The following KCNJ12 variants were observed in gnomAD, a reference collection of about 807,000 sequenced individuals.
KCNJ12 encodes ATP-sensitive inward rectifier potassium channel 12.
A neutral mutation model predicts 22.3 loss-of-function variants in KCNJ12; 2 were observed. That is an observed-to-expected ratio of 0.09 (90% CI 0.04 to 0.28). The LOEUF (loss-of-function observed/expected upper bound fraction) is 0.28. Among genes scored for constraint, KCNJ12 ranks in the 10% least tolerant of loss-of-function variants. The pLI, the probability that KCNJ12 is intolerant of heterozygous loss-of-function variation, is 1.00. For missense variants in KCNJ12, 155 were observed against 633.3 expected, an observed-to-expected ratio of 0.24 and a Z score of 8.11; for synonymous variants, 117 against 261.4, an observed-to-expected ratio of 0.45 and a Z score of 5.33.
intron 1 of KCNJ12, among the ~76,000 whole-genome samples, chr17:21,398,675 C>CCCTA (rs1444901488): frequency 6.6e-6 from 1 of 152,232 alleles, no homozygotes; most frequent in East Asian, 1.9e-4. Context: ...AAAGTAAACT[C>CCCTA]CCTACTCCCA....
intron 1 of KCNJ12, among the ~76,000 whole-genome samples, chr17:21,396,944 G>C (rs1478125473): frequency 6.6e-6 from 1 of 152,194 alleles, no homozygotes; most frequent in Non-Finnish European, 1.5e-5. Flanking sequence ...CCAGGGCACA[G>C]ATTGGAGCAC....
chr17:21,392,298 G>A (rs146873828), intron 1 of KCNJ12, among the ~76,000 whole-genome samples: 7 of 152,360 alleles, frequency 4.6e-5, no homozygotes, highest in African/African-American at 1.7e-4. Flanking sequence ...GGCGCTCAGT[G>A]TGTGCTCACT....
intron 1 of KCNJ12, among the ~76,000 whole-genome samples, chr17:21,400,336 C>G (rs1905532110): frequency 6.6e-6 from 1 of 152,310 alleles, no homozygotes; most frequent in African/African-American, 2.4e-5. Context: ...GGGCTGGGGA[C>G]TCTGCTCTTG....
At chr17:21,415,003 T>C (rs1906613487) in intron 2 of KCNJ12, among the ~76,000 whole-genome samples, 1 of 152,304 alleles carries the variant, frequency 6.6e-6, no homozygotes, top group Non-Finnish European at 1.5e-5. Flanking sequence ...ATTCAGGCCT[T>C]GAGGGTGGGA....
In KCNJ12 at chr17:21,384,999, T is replaced by A. The variant is rs553410561; in HGVS notation, c.-179+8086T>A. Among the ~76,000 whole-genome samples, 30 of 152,142 alleles carry A rather than the reference T, an allele frequency of 2.0e-4. No individual in the cohort carries two copies. In the East Asian group the frequency reaches 4.8e-3, roughly 25 times the overall value. ...ACCGTGTTAGCCAGGATGGTCTCGA[T>A]CTCCTGACCTCGTGATCCGCCCGCC... On this transcript the variant is annotated intron_variant, in intron 1 of 2. Coordinates refer to ENST00000583088, the MANE Select transcript of KCNJ12 (RefSeq NM_021012.5).
At chr17:21,383,541 T>C (rs1300398281) in intron 1 of KCNJ12, among the ~76,000 whole-genome samples, 1 of 152,006 alleles carries the variant, frequency 6.6e-6, no homozygotes, top group East Asian at 1.9e-4. Flanking sequence ...TGCTCAAAAG[T>C]GGGGCTTCTG....
chr17:21,393,062 G>A (rs781943341), intron 1 of KCNJ12, among the ~76,000 whole-genome samples: 9 of 152,160 alleles, frequency 5.9e-5, no homozygotes, highest in African/African-American at 1.4e-4. Context: ...CCAGGCCAGC[G>A]CTGGAATTTT....
chr17:21,394,819 C>T (rs7220745), intron 1 of KCNJ12, among the ~76,000 whole-genome samples: 18,148 of 152,162 alleles, frequency 0.12, 2,882 homozygotes, highest in African/African-American at 0.37. Flanking sequence ...TCAGTGTTGC[C>T]AGGGGTAAAC....
At chr17:21,413,997 C>T (rs529314864) in intron 2 of KCNJ12, among the ~76,000 whole-genome samples, 6 of 152,416 alleles carry the variant, frequency 3.9e-5, no homozygotes, top group African/African-American at 1.2e-4. Context: ...GGGAGCAGCC[C>T]ATGTCTGGGT....
chr17:21,408,077 T>C (rs1383582089), intron 1 of KCNJ12, among the ~76,000 whole-genome samples: 3 of 152,254 alleles, frequency 2.0e-5, no homozygotes, highest in East Asian at 3.8e-4. Context: ...AAGGTTGGCG[T>C]TGGGAAGGCT....
chr17:21,397,560 T>C lies in KCNJ12; in HGVS notation c.-178-10959T>C, dbSNP rs536702645. On this transcript the variant is annotated intron_variant, in intron 1 of 2. Coordinates refer to ENST00000583088, the MANE Select transcript of KCNJ12 (RefSeq NM_021012.5). The stretch of plus-strand genomic sequence containing the variant: ...AGCTGGCCTGGGGACGGGAAGGAGA[T>C]GGGAGCTCCTGAATAAATCATCGTG... Among the ~76,000 whole-genome samples, 208 of 152,290 alleles carry C rather than the reference T, an allele frequency of 1.4e-3. 5 individuals carry two copies. In the South Asian group the frequency reaches 0.042, roughly 31 times the overall value.
chr17:21,402,433 G>A (rs1469435915), intron 1 of KCNJ12, among the ~76,000 whole-genome samples: 27 of 152,422 alleles, frequency 1.8e-4, no homozygotes, highest in African/African-American at 5.5e-4. Flanking sequence ...GGCAGACGCC[G>A]CTGAGCGTGT....
At chr17:21,411,025 C>T (rs1412824928) in intron 2 of KCNJ12, among the ~76,000 whole-genome samples, 2 of 152,304 alleles carry the variant, frequency 1.3e-5, no homozygotes, top group Non-Finnish European at 2.9e-5. Flanking sequence ...GGCGCCTCCC[C>T]CTCCGAGTCC....
chr17:21,404,045 G>T (rs1305220486), intron 1 of KCNJ12, among the ~76,000 whole-genome samples: 1 of 152,080 alleles, frequency 6.6e-6, no homozygotes, highest in African/African-American at 2.4e-5. Flanking sequence ...GCCTGCACAC[G>T]CTGAGCTTCC....
intron 1 of KCNJ12, among the ~76,000 whole-genome samples, chr17:21,400,373 G>T (rs1905534664): frequency 6.6e-6 from 1 of 152,308 alleles, no homozygotes; most frequent in Non-Finnish European, 1.5e-5. Context: ...CCCTCAGCTG[G>T]CCTCGACTCC....
intron 2 of KCNJ12, among the ~76,000 whole-genome samples, chr17:21,413,760 G>T (rs1399497700): frequency 6.6e-6 from 1 of 152,312 alleles, no homozygotes; most frequent in African/African-American, 2.4e-5. Flanking sequence ...CTGAGAGCAG[G>T]CTTTGTTCTG....
At position 21,395,304 on chromosome 17, in the gene KCNJ12, A is replaced by C. The variant is rs1244465143; in HGVS notation, c.-178-13215A>C. 2.6e-5 allele frequency among the ~76,000 whole-genome samples: 4 copies of C among 151,016 alleles called. No individual in the cohort carries two copies. In the South Asian group the frequency reaches 6.3e-4, roughly 24 times the overall value. On this transcript the variant is annotated intron_variant, in intron 1 of 2. Coordinates refer to ENST00000583088, the MANE Select transcript of KCNJ12 (RefSeq NM_021012.5). ...AGCAAGATCCTAAAGAAAAAAAAAAAAAAAAAAAAACGGCGCACAGTGACT... is the reference window on the plus strand; with the variant it reads ...AGCAAGATCCTAAAGAAAAAAAAAACAAAAAAAAAACGGCGCACAGTGACT...
In KCNJ12 at chr17:21,397,374, G is replaced by C. The variant is rs576670069; in HGVS notation, c.-178-11145G>C. Reference sequence around the variant, plus strand: ...TCAGCTTCTCTTGCCTGAGATCGCTGCCGTGTGGGGCTTCAGCGCCCGGCT... The same window carrying C: ...TCAGCTTCTCTTGCCTGAGATCGCTCCCGTGTGGGGCTTCAGCGCCCGGCT... On this transcript the variant is annotated intron_variant, in intron 1 of 2. Coordinates refer to ENST00000583088, the MANE Select transcript of KCNJ12 (RefSeq NM_021012.5). Among the ~76,000 whole-genome samples, 6 of 152,350 alleles carry C rather than the reference G, an allele frequency of 3.9e-5. No individual in the cohort carries two copies. The South Asian group carries it at 1.0e-3, about 26-fold the overall frequency.
intron 1 of KCNJ12, among the ~76,000 whole-genome samples, chr17:21,404,197 G>T (rs1313262723): frequency 1.3e-5 from 2 of 152,264 alleles, no homozygotes; most frequent in African/African-American, 4.8e-5. Flanking sequence ...CAGTCAGGGT[G>T]GGTCTTGCCC....
Sources: allele counts gnomAD v4.1 joint callset (sites outside exome capture counted in the v4.1 genomes callset), GRCh38; gene constraint gnomAD v4.1.1; transcripts MANE v1.5; gene names NCBI Gene and HGNC (gene_info 2026-07-23, HGNC 2026-07-21).